The following LHFPL2 variants were observed in gnomAD, a reference collection of about 807,000 sequenced individuals.
LHFPL2 encodes the protein LHFPL tetraspan subfamily member 2.
In LHFPL2, 7 loss-of-function variants were observed where a neutral mutation model predicts 17.5. That is an observed-to-expected ratio of 0.40 (90% confidence interval 0.23 to 0.75). The LOEUF (loss-of-function observed/expected upper bound fraction) is 0.75. Ranked by LOEUF, LHFPL2 falls within the 30% of genes least tolerant of loss-of-function variation. The probability of loss-of-function intolerance (pLI) is 0.37; values close to 1 mark genes in which losing one functional copy is unlikely to be tolerated. For missense variants in LHFPL2, 241 were observed against 294.8 expected, an observed-to-expected ratio of 0.82 and a Z score of 1.34; for synonymous variants, 134 against 116.2, an observed-to-expected ratio of 1.15 and a Z score of -0.99.
At chr5:78,528,506 T>C (rs73144005) in intron 3 of LHFPL2, among the ~76,000 whole-genome samples, 1,803 of 152,272 alleles carry the variant, frequency 0.012, 27 homozygotes, top group African/African-American at 0.042. Context: ...CCATCATACA[T>C]AGAAAAATTG....
chr5:78,616,095 A>C (rs958382733), intron 2 of LHFPL2, among the ~76,000 whole-genome samples: 84 of 146,874 alleles, frequency 5.7e-4, no homozygotes, highest in African/African-American at 2.1e-3. Flanking sequence ...TGGCAATCCA[A>C]CCTCTTTTCC....
At chr5:78,523,873 G>T (rs78129941) in intron 3 of LHFPL2, among the ~76,000 whole-genome samples, 2,273 of 152,278 alleles carry the variant, frequency 0.015, 52 homozygotes, top group African/African-American at 0.051. Flanking sequence ...TAAACAGGCA[G>T]TTAGTACAAG....
intron 2 of LHFPL2, among the ~76,000 whole-genome samples, chr5:78,583,298 G>A (rs949112279): frequency 6.6e-6 from 1 of 151,780 alleles, no homozygotes; most frequent in African/African-American, 2.4e-5. Flanking sequence ...AGTTAATATT[G>A]TTATGTGTGA....
intron 2 of LHFPL2, among the ~76,000 whole-genome samples, chr5:78,619,036 T>C (rs1744731616): frequency 6.6e-6 from 1 of 151,976 alleles, no homozygotes; most frequent in Non-Finnish European, 1.5e-5. Flanking sequence ...TCACTTTTCT[T>C]TTTTTTTGAG....
At chr5:78,591,576 G>C (rs577740302) in intron 2 of LHFPL2, among the ~76,000 whole-genome samples, 2 of 152,156 alleles carry the variant, frequency 1.3e-5, no homozygotes, top group African/African-American at 4.8e-5. Context: ...AGCAAATCCC[G>C]AGGCCAACTC....
At chr5:78,599,770 T>C (rs1418885896) in intron 2 of LHFPL2, among the ~76,000 whole-genome samples, 3 of 152,286 alleles carry the variant, frequency 2.0e-5, no homozygotes, top group Non-Finnish European at 2.9e-5. Flanking sequence ...TGGCAGACAA[T>C]GGGAGACAGC....
intron 2 of LHFPL2, among the ~76,000 whole-genome samples, chr5:78,580,626 T>G (rs1743091539): frequency 6.7e-6 from 1 of 149,814 alleles, no homozygotes; most frequent in Non-Finnish European, 1.5e-5. Flanking sequence ...TGCTTGTTTT[T>G]CTCAGGTTTG....
In LHFPL2 at chr5:78,577,781, G is replaced by A. The variant is rs569637700; in HGVS notation, c.-244-12910C>T. Among the ~76,000 whole-genome samples, 7 of 150,954 alleles carry A rather than the reference G, an allele frequency of 4.6e-5. No homozygotes were observed. The East Asian group carries it at 1.4e-3, about 29-fold the overall frequency. ...TTCTAAACGAGAAAAAGACAATTTT[G>A]TTTTTCTGATGTCCTTTGAGCTTTT... On this transcript the variant is annotated intron_variant, in intron 2 of 4. Transcript: ENST00000380345.
At chr5:78,580,835 T>C (rs1213469519) in intron 2 of LHFPL2, among the ~76,000 whole-genome samples, 3 of 152,022 alleles carry the variant, frequency 2.0e-5, no homozygotes, top group Non-Finnish European at 2.9e-5. Flanking sequence ...TGCGGGCTCT[T>C]TTTTGGTTCC....
chr5:78,504,938 C>T (rs1561309792), intron 4 of LHFPL2, among the ~76,000 whole-genome samples: 1 of 152,222 alleles, frequency 6.6e-6, no homozygotes, highest in Admixed American at 6.5e-5. Context: ...GTGTGAGAGC[C>T]AGCCCAGCAT....
chr5:78,644,756 G>C (rs188846525), intron 1 of LHFPL2: 3 of 235,726 alleles, frequency 1.3e-5, no homozygotes, highest in African/African-American at 6.9e-5. Flanking sequence ...GAGCATCTGG[G>C]TGCTTCTTCT....
At chr5:78,634,665 C>T (rs1350088638) in intron 1 of LHFPL2, among the ~76,000 whole-genome samples, 2 of 152,172 alleles carry the variant, frequency 1.3e-5, no homozygotes, top group African/African-American at 4.8e-5. Flanking sequence ...TATGGACTCA[C>T]CTGGAATAAG....
Position 78,563,682 on chromosome 5 carries a change from T to C in LHFPL2, c.-186+1131A>G, listed in dbSNP as rs139658763. ...CACCACTGCACTCCAGCCTGGGTGATAGAGCCAGACTCCACTTCAAAAAAA... is the reference window on the plus strand; with the variant it reads ...CACCACTGCACTCCAGCCTGGGTGACAGAGCCAGACTCCACTTCAAAAAAA... On this transcript the variant is annotated intron_variant, in intron 3 of 4. Transcript: ENST00000380345. Among the ~76,000 whole-genome samples the C allele has an allele frequency of 1.5e-3, 215 of 142,460 alleles. 1 individual carries two copies. The highest frequency in any genetic ancestry group is 5.4e-3 in the African/African-American group (198 of 36,610). The allele number at this position is 142,460 out of a possible 152,430, so 93.5% of individuals were successfully genotyped here.
chr5:78,554,010 A>G (rs1756510527), intron 3 of LHFPL2, among the ~76,000 whole-genome samples: 2 of 152,354 alleles, frequency 1.3e-5, no homozygotes, highest in South Asian at 4.1e-4. Flanking sequence ...CCATTTCAGG[A>G]TCAGTGGTAT....
chr5:78,519,018 G>A (rs1434627653), intron 3 of LHFPL2, among the ~76,000 whole-genome samples: 1 of 150,246 alleles, frequency 6.7e-6, no homozygotes, highest in Non-Finnish European at 1.5e-5. Flanking sequence ...CACCTGTATG[G>A]GCTGCTAAGC....
chr5:78,592,983 T>C (rs1743695499), intron 2 of LHFPL2, among the ~76,000 whole-genome samples: 1 of 152,226 alleles, frequency 6.6e-6, no homozygotes, highest in African/African-American at 2.4e-5. Context: ...AACTGTATGC[T>C]TGAAATGTAC....
At position 78,488,884 on chromosome 5, in the gene LHFPL2, T is replaced by C. The variant is rs201355042; in HGVS notation, c.*13A>G. The C allele has an allele frequency of 6.2e-7, 1 of 1,612,808 alleles. No individual in the cohort carries two copies. The highest frequency in any genetic ancestry group is 1.7e-4 in the Middle Eastern group (1 of 6,056). ...GATTACTCAAGGGAGAAAATGGCAT[T>C]GTCTCTTCCAAACTAAAGGAGGCAG... is the stretch of plus-strand genomic sequence containing the variant. On this transcript the variant is annotated 3_prime_UTR_variant, in exon 5 of 5. Coordinates refer to ENST00000380345, the MANE Select transcript of LHFPL2 (RefSeq NM_005779.3).
At chr5:78,552,346 G>A (rs1756468863) in intron 3 of LHFPL2, among the ~76,000 whole-genome samples, 1 of 152,114 alleles carries the variant, frequency 6.6e-6, no homozygotes, top group African/African-American at 2.4e-5. Flanking sequence ...TGTTAACCAG[G>A]ATGGCCTCGA....
intron 1 of LHFPL2, among the ~76,000 whole-genome samples, chr5:78,639,114 C>T (rs913336111): frequency 3.9e-5 from 6 of 152,220 alleles, no homozygotes; most frequent in South Asian, 2.1e-4. Context: ...CTAAGAGGCC[C>T]CCCAGCCACC....
Sources: gnomAD v4.1 joint callset for allele counts (sites outside exome capture counted in the v4.1 genomes callset) on GRCh38, gnomAD v4.1.1 for gene constraint, MANE v1.5 for transcripts, NCBI Gene and HGNC (gene_info 2026-07-23, HGNC 2026-07-21) for gene names.